The following NSD1 variants were observed in gnomAD, a reference collection of about 807,000 sequenced individuals.
The protein encoded by NSD1 is histone-lysine N-methyltransferase, H3 lysine-36 specific.
Under a neutral mutation model 242.7 loss-of-function variants are expected in NSD1, and 26 were observed. The observed-to-expected ratio is 0.11, with a 90% CI of 0.08 to 0.15. NSD1 has a LOEUF of 0.15. Among genes scored for constraint, NSD1 ranks in the 10% least tolerant of loss-of-function variants. The pLI is 1.00. For synonymous variants in NSD1, 1,106 were observed against 1,178.1 expected, an observed-to-expected ratio of 0.94 and a Z score of 1.25; for missense variants, 2,495 against 3,272.8, an observed-to-expected ratio of 0.76 and a Z score of 5.80.
chr5:177,257,946 G>C (rs1018310769), intron 13 of NSD1, among the ~76,000 whole-genome samples: 1 of 144,378 alleles, frequency 6.9e-6, no homozygotes, highest in African/African-American at 2.5e-5. Flanking sequence ...TTACAGGCGT[G>C]AGCCACCACG....
At chr5:177,257,193 A>C (rs1160390428) in intron 13 of NSD1, 42 bp downstream of exon 13, 8 of 1,436,152 alleles carry the variant, frequency 5.6e-6, no homozygotes, top group Admixed American at 1.7e-5. Context: ...GTAAAACCTC[A>C]GTTTAATTGG....
rs1236559735 is a variant in NSD1, at chr5:177,235,867, T to C, written c.3843T>C (p.Leu1281=). The change falls in exon 6 of 23, where the codon CTT becomes CTC. Residue 1281 remains leucine (L), a synonymous_variant. Coordinates refer to ENST00000439151, the MANE Select transcript of NSD1 (RefSeq NM_022455.5). The part of the protein sequence containing the change: ...KKRLRKPSKW[L]LEYTEEYDQI... ...GCCTTAGGAAGCCAAGCAAGTGGCT[T>C]TTGGAATATACAGAAGAATATGATC... The C allele has an allele frequency of 6.2e-7, 1 of 1,613,996 alleles. No individual in the cohort carries two copies. Among genetic ancestry groups the C allele is most frequent in the African/African-American group, 1.3e-5 (1 of 75,046 alleles).
At chr5:177,255,843 C>G (rs1448729528) in intron 12 of NSD1, among the ~76,000 whole-genome samples, 1 of 152,036 alleles carries the variant, frequency 6.6e-6, no homozygotes, top group African/African-American at 2.4e-5. Flanking sequence ...CCTTAGCCTC[C>G]CAAGTGCTGA....
At chr5:177,220,898 T>G in intron 5 of NSD1, 1 of 362,550 alleles carries the variant, frequency 2.8e-6, no homozygotes, top group South Asian at 2.0e-5. Context: ...AGGCTCTCCC[T>G]CTGTCATCCA....
intron 17 of NSD1, among the ~76,000 whole-genome samples, chr5:177,278,220 A>G (rs1344950842): frequency 1.3e-5 from 2 of 152,168 alleles, no homozygotes; most frequent in African/African-American, 4.8e-5. Flanking sequence ...CGATCCTCCC[A>G]CTGCAGCTTC....
chr5:177,189,428 T>A (rs993803881), intron 2 of NSD1, among the ~76,000 whole-genome samples: 1 of 152,224 alleles, frequency 6.6e-6, no homozygotes, highest in Admixed American at 6.5e-5. Context: ...GTAATCTTTT[T>A]GTAGTAGTTC....
chr5:177,168,052 CTG>C (rs1046492851), intron 2 of NSD1, among the ~76,000 whole-genome samples: 1 of 152,178 alleles, frequency 6.6e-6, no homozygotes, highest in African/African-American at 2.4e-5. Flanking sequence ...TCCACTGAAT[CTG>C]TAAATGATTT....
intron 21 of NSD1, among the ~76,000 whole-genome samples, chr5:177,290,075 G>A (rs1370069099): frequency 2.6e-5 from 4 of 151,330 alleles, no homozygotes; most frequent in Non-Finnish European, 4.4e-5. Context: ...TGATCCGCCC[G>A]CCTTAGCCTC....
Position 177,211,211 on chromosome 5 carries a change from A to C in NSD1, c.2812A>C (p.Ser938Arg), listed in dbSNP as rs1763309240. ...TGCTCAAAACCTGGTCTCTTACCGG[A>C]GTCCTGGTCGTGGGGACTGTTCTAC... Reference protein sequence around the residue: ...MTAQNLVSYRSPGRGDCSTNS... With the variant: ...MTAQNLVSYRRPGRGDCSTNS... Residue 938 changes from serine (S) to arginine (R), a missense_variant, in exon 5 of 23, where the codon AGT becomes CGT. Physicochemically the swap from Ser to Arg is moderately radical, Grantham distance 110. Coordinates refer to ENST00000439151, the MANE Select transcript of NSD1 (RefSeq NM_022455.5). 6.2e-7 allele frequency: 1 copy of C among 1,614,034 alleles called. No homozygotes were observed. The highest frequency in any genetic ancestry group is 1.3e-5 in the African/African-American group (1 of 74,926).
chr5:177,248,710 G>A (rs1177369755), intron 11 of NSD1, among the ~76,000 whole-genome samples: 1 of 152,094 alleles, frequency 6.6e-6, no homozygotes, highest in Non-Finnish European at 1.5e-5. Context: ...CTTTAATGTG[G>A]TGACTTTAGA....
chr5:177,253,105 G>C (rs1756139007), intron 12 of NSD1, among the ~76,000 whole-genome samples: 1 of 152,140 alleles, frequency 6.6e-6, no homozygotes, highest in African/African-American at 2.4e-5. Flanking sequence ...GGAGTGAAGA[G>C]AGGCTTTTGT....
chr5:177,272,306 T>G (rs1456390910), intron 16 of NSD1, among the ~76,000 whole-genome samples: 2 of 151,994 alleles, frequency 1.3e-5, no homozygotes, highest in Non-Finnish European at 2.9e-5. Flanking sequence ...TTAGGAAAAT[T>G]TAGATGATTC....
At chr5:177,281,315 T>C (rs1342628358) in intron 18 of NSD1, among the ~76,000 whole-genome samples, 1 of 146,758 alleles carries the variant, frequency 6.8e-6, no homozygotes, top group African/African-American at 2.5e-5. Context: ...TTCTAATAAA[T>C]AAATAATATT....
intron 2 of NSD1, among the ~76,000 whole-genome samples, chr5:177,177,820 A>G (rs553094629): frequency 2.2e-4 from 33 of 152,256 alleles, no homozygotes; most frequent in African/African-American, 7.9e-4. Context: ...TATTTCTGTT[A>G]AGATTTTAGA....
chr5:177,260,083 C>T lies in NSD1; in HGVS notation c.5061C>T (p.Ile1687=), dbSNP rs200051418. 6.2e-7 allele frequency: 1 copy of T among 1,614,150 alleles called. No individual in the cohort carries two copies. Among genetic ancestry groups the T allele is most frequent in the East Asian group, 2.2e-5 (1 of 44,884 alleles). The stretch of plus-strand genomic sequence containing the variant: ...CAAAGATCCTTGCATCTAATAGTAT[C>T]ATCTGCCCTAATCACTTTACCCCTA... ...AGSKILASNS[I]ICPNHFTPRR... Residue 1687 remains isoleucine (I), a synonymous_variant, in exon 14 of 23, where the codon ATC becomes ATT. Transcript: ENST00000439151.
At chr5:177,241,630 G>A (rs906991251) in intron 8 of NSD1, among the ~76,000 whole-genome samples, 7 of 152,090 alleles carry the variant, frequency 4.6e-5, no homozygotes, top group African/African-American at 1.7e-4. Flanking sequence ...TACTTTTGGG[G>A]AGAGGGGGTT....
chr5:177,221,265 C>A (rs536788898), intron 5 of NSD1, among the ~76,000 whole-genome samples: 2 of 150,964 alleles, frequency 1.3e-5, no homozygotes, highest in African/African-American at 4.9e-5. Flanking sequence ...GCTGTTTTGT[C>A]CCCCTTTTGC....
intron 2 of NSD1, among the ~76,000 whole-genome samples, chr5:177,144,657 T>C (rs540283422): frequency 2.6e-5 from 4 of 152,290 alleles, no homozygotes; most frequent in East Asian, 3.9e-4. Context: ...GGGGAGCCCA[T>C]TGAAAGGAGA....
chr5:177,288,814 T>C lies in NSD1; in HGVS notation c.6152-5T>C, dbSNP rs755758018. On this transcript the variant is annotated splice_polypyrimidine_tract_variant and splice_region_variant and intron_variant, in intron 20 of 22. Coordinates refer to ENST00000439151, the MANE Select transcript of NSD1 (RefSeq NM_022455.5). The stretch of plus-strand genomic sequence containing the variant: ...ATATTAATATTTTCACGGTCTCTTA[T>C]GCAGGCACTGAACTTACCTTCAACT... The C allele has an allele frequency of 3.2e-5, 52 of 1,600,280 alleles. 2 individuals carry two copies. In the South Asian group the frequency reaches 5.4e-4, roughly 17 times the overall value.
Sources: allele counts gnomAD v4.1 joint callset (sites outside exome capture counted in the v4.1 genomes callset), GRCh38; gene constraint gnomAD v4.1.1; transcripts MANE v1.5; gene names NCBI Gene and HGNC (gene_info 2026-07-23, HGNC 2026-07-21).